Variants in COG5 observed in about 807,000 individuals in gnomAD.
The protein encoded by COG5 is conserved oligomeric Golgi complex subunit 5.
Under a neutral mutation model 110.4 loss-of-function variants are expected in COG5, and 86 were observed. That is an observed-to-expected ratio of 0.78 (90% confidence interval 0.65 to 0.93). The LOEUF is 0.93. Ranked by LOEUF, COG5 falls within the 40% of genes least tolerant of loss-of-function variation. The probability of loss-of-function intolerance (pLI) is 0.00; values close to 1 mark genes in which losing one functional copy is unlikely to be tolerated. For missense variants in COG5, 1,077 were observed against 987.0 expected, an observed-to-expected ratio of 1.09 and a Z score of -1.22; for synonymous variants, 360 against 334.6, an observed-to-expected ratio of 1.08 and a Z score of -0.83.
At chr7:107,535,770 A>G (rs923451082) in intron 5 of COG5, among the ~76,000 whole-genome samples, 2 of 152,188 alleles carry the variant, frequency 1.3e-5, no homozygotes, top group Non-Finnish European at 2.9e-5. Context: ...AAACTATTCT[A>G]AACAATAGAA....
chr7:107,508,075 C>A (rs7785085), intron 6 of COG5, among the ~76,000 whole-genome samples: 14,917 of 152,238 alleles, frequency 0.098, 949 homozygotes, highest in Non-Finnish European at 0.14. Context: ...CGAAGCAGGG[C>A]GAGGCATTGC....
intron 5 of COG5, among the ~76,000 whole-genome samples, chr7:107,530,133 C>A (rs1224525989): frequency 2.0e-5 from 3 of 152,196 alleles, no homozygotes; most frequent in Admixed American, 2.0e-4. Flanking sequence ...CTTAATCTGT[C>A]ACCAAGTCTT....
chr7:107,315,688 T>C (rs959487294), intron 11 of COG5, among the ~76,000 whole-genome samples: 1 of 152,262 alleles, frequency 6.6e-6, no homozygotes, highest in South Asian at 2.1e-4. Flanking sequence ...TGTTACATTG[T>C]GTGTAATCCT....
chr7:107,377,822 A>T (rs908073796), intron 7 of COG5, among the ~76,000 whole-genome samples: 4 of 152,194 alleles, frequency 2.6e-5, no homozygotes, highest in Non-Finnish European at 5.9e-5. Flanking sequence ...TAAAACTCCC[A>T]TCTCCCTGGG....
chr7:107,231,531 T>A (rs1800775241), intron 18 of COG5, among the ~76,000 whole-genome samples: 1 of 152,212 alleles, frequency 6.6e-6, no homozygotes, highest in African/African-American at 2.4e-5. Flanking sequence ...GATAGACTGC[T>A]TCTCCACTCT....
chr7:107,383,365 G>A (rs1159811027), intron 7 of COG5, among the ~76,000 whole-genome samples: 1 of 152,104 alleles, frequency 6.6e-6, no homozygotes, highest in East Asian at 1.9e-4. Context: ...GAGGTTAAAA[G>A]GCACAGCGCA....
intron 7 of COG5, among the ~76,000 whole-genome samples, chr7:107,389,158 C>G (rs1316206913): frequency 6.6e-6 from 1 of 152,160 alleles, no homozygotes; most frequent in Admixed American, 6.5e-5. Flanking sequence ...GGCAGACACC[C>G]GCTTCCCAGC....
rs2299425 is a variant in COG5 at position 107,405,056 on chromosome 7, T to C, written c.669+7446A>G. ...TCACAAATTGTCAAATAATTTTCAA[T>C]ATAATTATTTAATAAAGTTAGAATA... is the stretch of plus-strand genomic sequence containing the variant. On this transcript the variant is annotated intron_variant, in intron 7 of 21. Transcript: ENST00000297135. Among the ~76,000 whole-genome samples, 18 of 152,266 alleles carry C rather than the reference T, an allele frequency of 1.2e-4. 1 individual carries two copies. In the East Asian group the frequency reaches 3.5e-3, roughly 29 times the overall value.
Position 107,554,312 on chromosome 7 carries a change from G to C in COG5, c.265C>G (p.Gln89Glu). The change falls in exon 3 of 22, where the codon CAA becomes GAA. Residue 89 changes from glutamine to glutamate, a missense_variant. Gln to Glu is a conservative substitution (Grantham distance 29). Coordinates refer to ENST00000297135, the MANE Select transcript of COG5 (RefSeq NM_006348.5). Reference sequence around the variant, plus strand: ...TCCAACGACTCAATCCCAGTTGCTTGTGCCAGTAAATCTTCATGTCTTGCA... The same window carrying C: ...TCCAACGACTCAATCCCAGTTGCTTCTGCCAGTAAATCTTCATGTCTTGCA... ...VVARHEDLLA[Q>E]ATGIESLEGV... The C allele has an allele frequency of 6.2e-7, 1 of 1,613,992 alleles. No homozygotes were observed. Among genetic ancestry groups the C allele is most frequent in the Non-Finnish European group, 8.5e-7 (1 of 1,179,916 alleles).
intron 7 of COG5, among the ~76,000 whole-genome samples, chr7:107,385,901 G>A (rs1032555749): frequency 6.7e-6 from 1 of 149,896 alleles, no homozygotes; most frequent in Non-Finnish European, 1.5e-5. Flanking sequence ...ATGACAGTAA[G>A]CATCTTTTCA....
At chr7:107,456,009 G>A (rs1795648073) in intron 6 of COG5, among the ~76,000 whole-genome samples, 1 of 151,940 alleles carries the variant, frequency 6.6e-6, no homozygotes, top group African/African-American at 2.4e-5. Flanking sequence ...ATGTTGGCCA[G>A]GCTGGTCTCG....
intron 16 of COG5, among the ~76,000 whole-genome samples, chr7:107,255,178 CG>C (rs1802792218): frequency 6.6e-6 from 1 of 152,080 alleles, no homozygotes; most frequent in African/African-American, 2.4e-5. Flanking sequence ...TATCCATTCC[CG>C]GTCTGGAACC....
chr7:107,471,788 A>G (rs1029877259), intron 6 of COG5: 3 of 152,032 alleles, frequency 2.0e-5, no homozygotes, highest in Admixed American at 2.0e-4. Context: ...TCAGATATTC[A>G]TATCAATTGG....
At chr7:107,425,431 C>A (rs575676957) in intron 6 of COG5, among the ~76,000 whole-genome samples, 1 of 150,450 alleles carries the variant, frequency 6.6e-6, no homozygotes, top group South Asian at 2.1e-4. Flanking sequence ...CATTAATGAC[C>A]ACAGAATCTT....
intron 16 of COG5, among the ~76,000 whole-genome samples, chr7:107,254,207 T>C (rs1044002192): frequency 6.6e-6 from 1 of 152,198 alleles, no homozygotes; most frequent in Non-Finnish European, 1.5e-5. Flanking sequence ...TCTATATCTA[T>C]ATTTTTCAGT....
chr7:107,514,597 T>C (rs1248584033), intron 6 of COG5, among the ~76,000 whole-genome samples: 1 of 152,144 alleles, frequency 6.6e-6, no homozygotes. Flanking sequence ...AGTATAGCAT[T>C]GGTGGTTTAC....
chr7:107,403,387 T>C (rs1479325225), intron 7 of COG5, among the ~76,000 whole-genome samples: 2 of 141,886 alleles, frequency 1.4e-5, no homozygotes, highest in South Asian at 2.2e-4. Context: ...AAAGACACCC[T>C]TTTTTTTTTT....
At chr7:107,298,011 A>G (rs1806904377) in intron 12 of COG5, 131 bp downstream of exon 12, 4 of 391,360 alleles carry the variant, frequency 1.0e-5, no homozygotes, top group Non-Finnish European at 1.7e-5. Context: ...TTTAAGGTAT[A>G]CAAATAAACT....
chr7:107,276,764 T>C (rs1804733156), intron 14 of COG5, among the ~76,000 whole-genome samples: 1 of 152,216 alleles, frequency 6.6e-6, no homozygotes, highest in East Asian at 1.9e-4. Context: ...ATTAAATAAT[T>C]TGTTCAGTTT....
Sources: gnomAD v4.1 joint callset for allele counts (sites outside exome capture counted in the v4.1 genomes callset) on GRCh38, gnomAD v4.1.1 for gene constraint, MANE v1.5 for transcripts, NCBI Gene and HGNC (gene_info 2026-07-23, HGNC 2026-07-21) for gene names.